ADAMTS9: variants seen among roughly 807,000 people sequenced by gnomAD.
The protein encoded by ADAMTS9 is A disintegrin and metalloproteinase with thrombospondin motifs 9.
A neutral mutation model predicts 257.1 loss-of-function variants in ADAMTS9; 107 were observed. The ratio of observed to expected loss-of-function variants is 0.42; its 90% CI spans 0.36 to 0.49. The LOEUF (loss-of-function observed/expected upper bound fraction) is 0.49, where lower values mean the gene tolerates loss of function less well. Among genes scored for constraint, ADAMTS9 ranks in the 20% least tolerant of loss-of-function variants. The pLI is 0.03. For missense variants in ADAMTS9, 2,353 were observed against 2,469.1 expected (o/e 0.95, Z 1.00); for synonymous variants, 982 against 880.9 (o/e 1.11, Z -2.03).
chr3:64,600,216 A>G (rs367637228), intron 26 of ADAMTS9, among the ~76,000 whole-genome samples: 4 of 152,252 alleles, frequency 2.6e-5, no homozygotes, highest in Admixed American at 6.5e-5. Flanking sequence ...CTGCCATGGA[A>G]GGCAGGAAGA....
chr3:64,517,437 T>TTTTTTTTTTTTTTTTTTTTTTG (rs1233567019), intron 39 of ADAMTS9, among the ~76,000 whole-genome samples: 1 of 141,688 alleles, frequency 7.1e-6, no homozygotes, highest in Non-Finnish European at 1.5e-5. Flanking sequence ...TTTTTTTTTT[T>TTTTTTTTTTTTTTTTTTTTTTG]TTGCAGAAAT....
chr3:64,529,702 C>T (rs1161702554), intron 38 of ADAMTS9, among the ~76,000 whole-genome samples: 1 of 152,192 alleles, frequency 6.6e-6, no homozygotes, highest in East Asian at 1.9e-4. Context: ...TTGTGCTTGG[C>T]TTCATTTAGG....
chr3:64,603,859 G>A, intron 25 of ADAMTS9, 63 bp downstream of exon 25: 3 of 1,557,764 alleles, frequency 1.9e-6, no homozygotes, highest in Non-Finnish European at 2.6e-6. Flanking sequence ...CCCCTCCGCT[G>A]ACTCCTCATA....
chr3:64,547,055 G>T, intron 31 of ADAMTS9, 103 bp from the exon 32 acceptor site: 2 of 1,026,508 alleles, frequency 1.9e-6, no homozygotes, highest in Non-Finnish European at 2.8e-6. Context: ...TGACTATGCT[G>T]CAGAAAGCTC....
chr3:64,631,800 A>G lies in ADAMTS9; in HGVS notation c.2293+8T>C. 1 of 1,605,150 alleles carries G rather than the reference A, an allele frequency of 6.2e-7. No individual in the cohort carries two copies. Among genetic ancestry groups the G allele is most frequent in the Non-Finnish European group, 8.5e-7 (1 of 1,172,690 alleles). On this transcript the variant is annotated splice_region_variant and intron_variant, in intron 15 of 39. Transcript: ENST00000498707. ...TCCTTCTCATGGTTCTTAGGAGCAGATTCTTACCATAATGTACTGTATTAA... is the reference window on the plus strand; with the variant it reads ...TCCTTCTCATGGTTCTTAGGAGCAGGTTCTTACCATAATGTACTGTATTAA...
intron 30 of ADAMTS9, among the ~76,000 whole-genome samples, chr3:64,551,783 CT>C: frequency 6.6e-6 from 1 of 152,184 alleles, no homozygotes. Context: ...CCAAACAAAT[CT>C]CTTTGTATGT....
intron 30 of ADAMTS9, among the ~76,000 whole-genome samples, chr3:64,551,390 T>C (rs1332550149): frequency 1.3e-5 from 2 of 152,076 alleles, no homozygotes; most frequent in African/African-American, 2.4e-5. Context: ...TTTGTATTTT[T>C]AGTAGAGACA....
chr3:64,668,867 G>C (rs986853934), intron 3 of ADAMTS9, among the ~76,000 whole-genome samples: 1 of 152,166 alleles, frequency 6.6e-6, no homozygotes, highest in African/African-American at 2.4e-5. Context: ...AGTTGGGCTG[G>C]AGCTCTTTAA....
intron 33 of ADAMTS9, 43 bp from the exon 34 acceptor site, chr3:64,541,663 G>C (rs1351746223): frequency 3.8e-6 from 6 of 1,568,082 alleles, no homozygotes; most frequent in Non-Finnish European, 5.3e-6. Context: ...GATGATCCGA[G>C]ATGTGAATTA....
In ADAMTS9 at chr3:64,548,694, C is replaced by G. The variant is rs115193798; in HGVS notation, c.4870-1742G>C. Among the ~76,000 whole-genome samples the G allele has an allele frequency of 3.2e-3, 491 of 152,292 alleles. 6 individuals carry two copies. The highest frequency in any genetic ancestry group is 0.011 in the African/African-American group (468 of 41,566). Reference sequence around the variant, plus strand: ...AGGCCTCCACATCTCTATAAAGAAGCTGGCAAGAACAGATGCTCTCAGCTA... The same window carrying G: ...AGGCCTCCACATCTCTATAAAGAAGGTGGCAAGAACAGATGCTCTCAGCTA... On this transcript the variant is annotated intron_variant, in intron 31 of 39. Transcript: ENST00000498707.
intron 29 of ADAMTS9, among the ~76,000 whole-genome samples, chr3:64,564,642 T>A (rs543789381): frequency 1.3e-5 from 2 of 152,072 alleles, no homozygotes; most frequent in African/African-American, 4.8e-5. Context: ...TCGTGTGCAT[T>A]GTAGAAAGTT....
intron 28 of ADAMTS9, among the ~76,000 whole-genome samples, chr3:64,572,594 T>A (rs1377476894): frequency 1.3e-5 from 2 of 152,080 alleles, no homozygotes; most frequent in Non-Finnish European, 2.9e-5. Context: ...CTAAAGAGAA[T>A]GGGATCCCTG....
intron 26 of ADAMTS9, 118 bp downstream of exon 26, chr3:64,601,826 T>C (rs1314555769): frequency 8.0e-7 from 1 of 1,246,946 alleles, no homozygotes; most frequent in African/African-American, 1.5e-5. Flanking sequence ...CAAATGAAAA[T>C]GCACAATGTC....
intron 28 of ADAMTS9, 71 bp downstream of exon 28, chr3:64,594,187 A>C (rs963441907): frequency 1.8e-4 from 271 of 1,502,116 alleles, no homozygotes; most frequent in Non-Finnish European, 2.4e-4. Flanking sequence ...ATTATCTGCC[A>C]CAGAGGAGTG....
intron 39 of ADAMTS9, among the ~76,000 whole-genome samples, chr3:64,517,654 C>T (rs1559742075): frequency 6.6e-6 from 1 of 151,518 alleles, no homozygotes; most frequent in African/African-American, 2.4e-5. Context: ...GCCTGAAATC[C>T]CCCCACCTGA....
chr3:64,563,280 G>A (rs2083460581), intron 29 of ADAMTS9: 1 of 152,110 alleles, frequency 6.6e-6, no homozygotes, highest in African/African-American at 2.4e-5. Context: ...ATAAATGATG[G>A]ACATGTTCAA....
chr3:64,595,534 G>A (rs1307255673), intron 27 of ADAMTS9, among the ~76,000 whole-genome samples: 1 of 152,176 alleles, frequency 6.6e-6, no homozygotes, highest in Non-Finnish European at 1.5e-5. Context: ...AATTACAGAA[G>A]CTTAATCACA....
intron 30 of ADAMTS9, among the ~76,000 whole-genome samples, chr3:64,560,606 T>C (rs1293549490): frequency 2.0e-5 from 3 of 152,160 alleles, no homozygotes; most frequent in Admixed American, 6.5e-5. Context: ...TTTTTTCACC[T>C]GCAAAATGGG....
intron 6 of ADAMTS9, 159 bp from the exon 7 acceptor site, chr3:64,654,771 T>C: frequency 1.4e-6 from 1 of 697,610 alleles, no homozygotes; most frequent in Non-Finnish European, 2.4e-6. Context: ...ACTCAAAAAA[T>C]TTTTGGAATT....
Sources: allele counts gnomAD v4.1 joint callset (sites outside exome capture counted in the v4.1 genomes callset), GRCh38; gene constraint gnomAD v4.1.1; transcripts MANE v1.5; gene names NCBI Gene and HGNC (gene_info 2026-07-23, HGNC 2026-07-21).